Variants in NUP93 observed in about 807,000 individuals in gnomAD.
The protein encoded by NUP93 is nucleoporin 93.
NUP93 carries 55 observed loss-of-function variants against 107.8 expected under a neutral mutation model. The observed-to-expected ratio is 0.51, with a 90% CI of 0.41 to 0.64. The LOEUF (loss-of-function observed/expected upper bound fraction) is 0.64, where lower values mean the gene tolerates loss of function less well. NUP93 is among the 30% of genes least tolerant of loss of function. NUP93 has a pLI of 0.00. For missense variants in NUP93, 937 were observed against 1,044.7 expected (o/e 0.90, Z 1.42); for synonymous variants, 390 against 397.5 (o/e 0.98, Z 0.22).
chr16:56,738,989 A>G (rs1961657935), intron 1 of NUP93, among the ~76,000 whole-genome samples: 1 of 141,824 alleles, frequency 7.1e-6, no homozygotes, highest in South Asian at 2.2e-4. Context: ...TTTAATCCTG[A>G]GTGGACAACA....
chr16:56,828,100 C>T (rs1252414365), intron 8 of NUP93, among the ~76,000 whole-genome samples: 3 of 149,052 alleles, frequency 2.0e-5, no homozygotes, highest in African/African-American at 5.0e-5. Flanking sequence ...TCAGCCTGGG[C>T]GACTAGAGTG....
intron 1 of NUP93, among the ~76,000 whole-genome samples, chr16:56,738,002 A>C (rs1456532458): frequency 6.6e-6 from 1 of 152,248 alleles, no homozygotes; most frequent in African/African-American, 2.4e-5. Context: ...GCCCCTGTTT[A>C]TGCTAGTTGT....
At chr16:56,740,341 C>G (rs1426631877) in intron 1 of NUP93, among the ~76,000 whole-genome samples, 1 of 150,052 alleles carries the variant, frequency 6.7e-6, no homozygotes, top group Non-Finnish European at 1.5e-5. Flanking sequence ...TCCTCACCTC[C>G]CAGACGGGGT....
intron 7 of NUP93, among the ~76,000 whole-genome samples, chr16:56,822,601 C>A (rs2144612337): frequency 8.8e-6 from 1 of 113,956 alleles, no homozygotes; most frequent in African/African-American, 3.5e-5. Flanking sequence ...ACTGTTGTTG[C>A]CCAGGCTGAA....
At chr16:56,812,259 G>A (rs1322182843) in intron 5 of NUP93, among the ~76,000 whole-genome samples, 1 of 152,070 alleles carries the variant, frequency 6.6e-6, no homozygotes, top group African/African-American at 2.4e-5. Flanking sequence ...TCTGAAACAT[G>A]TTTTTCCCCC....
Position 56,799,070 on chromosome 16 carries a change from A to G in NUP93, c.360+532A>G, listed in dbSNP as rs1032433065. Among the ~76,000 whole-genome samples, 7 of 152,274 alleles carry G rather than the reference A, an allele frequency of 4.6e-5. No homozygotes were observed. The South Asian group carries it at 1.0e-3, about 23-fold the overall frequency. ...TGCATCTGAGACACTGGACTGGACA[A>G]TTAACTATTAAATTAATCTTGAAAT... is the stretch of plus-strand genomic sequence containing the variant. On this transcript the variant is annotated intron_variant, in intron 4 of 21. Transcript: ENST00000308159.
chr16:56,768,423 C>T (rs1260714229), intron 3 of NUP93, among the ~76,000 whole-genome samples: 14 of 151,864 alleles, frequency 9.2e-5, no homozygotes, highest in Admixed American at 8.5e-4. Flanking sequence ...ATTAGCTGGG[C>T]GTGGTGGCGC....
At chr16:56,842,915 T>G (rs1964055312) in intron 21 of NUP93, among the ~76,000 whole-genome samples, 1 of 152,142 alleles carries the variant, frequency 6.6e-6, no homozygotes, top group African/African-American at 2.4e-5. Context: ...TTGATGAGAC[T>G]CTCAGCATCT....
chr16:56,797,977 G>A (rs1596812069), intron 3 of NUP93, among the ~76,000 whole-genome samples: 1 of 152,292 alleles, frequency 6.6e-6, no homozygotes, highest in African/African-American at 2.4e-5. Context: ...GCAAAACGCT[G>A]GAAGAAATGT....
chr16:56,779,290 A>C (rs976966017), intron 3 of NUP93, among the ~76,000 whole-genome samples: 8 of 152,132 alleles, frequency 5.3e-5, no homozygotes, highest in African/African-American at 1.9e-4. Context: ...TGAACCACAA[A>C]AGTTCAATAG....
At chr16:56,823,160 G>C (rs1452189480) in intron 7 of NUP93, among the ~76,000 whole-genome samples, 3 of 152,176 alleles carry the variant, frequency 2.0e-5, no homozygotes, top group Non-Finnish European at 4.4e-5. Flanking sequence ...GTCTTTTGAA[G>C]GGAGTGAGTG....
intron 3 of NUP93, among the ~76,000 whole-genome samples, chr16:56,772,179 G>A (rs544704844): frequency 2.6e-5 from 4 of 152,246 alleles, no homozygotes; most frequent in Admixed American, 6.5e-5. Context: ...ATGCCTCAGC[G>A]GTATTGAGGG....
At chr16:56,757,593 C>T (rs1297875088) in intron 2 of NUP93, among the ~76,000 whole-genome samples, 1 of 152,166 alleles carries the variant, frequency 6.6e-6, no homozygotes, top group Non-Finnish European at 1.5e-5. Flanking sequence ...AAAAAACTAC[C>T]CTTGCATTGT....
chr16:56,742,617 A>G (rs1961757271), intron 1 of NUP93, among the ~76,000 whole-genome samples: 1 of 152,224 alleles, frequency 6.6e-6, no homozygotes, highest in African/African-American at 2.4e-5. Flanking sequence ...CTTTTACAGA[A>G]GAAGTTTGCT....
In NUP93 at chr16:56,829,040, G is replaced by C; in HGVS notation, c.858G>C (p.Val286=). 1.2e-6 allele frequency: 2 copies of C among 1,613,602 alleles called. No homozygotes were observed. The highest frequency in any genetic ancestry group is 1.7e-6 in the Non-Finnish European group (2 of 1,179,842). Residue 286 remains valine (V), a synonymous_variant, in exon 9 of 22, where the codon GTG becomes GTC. Coordinates refer to ENST00000308159, the MANE Select transcript of NUP93 (RefSeq NM_014669.5). ...GNLHQAQLGG[V]PGTYQLVRSF... ...TGCATCAGGCCCAGCTGGGCGGGGT[G>C]CCTGGGACTTACCAATTGGTTCGAA...
chr16:56,749,458 C>T (rs568999326), intron 2 of NUP93, among the ~76,000 whole-genome samples: 44 of 152,250 alleles, frequency 2.9e-4, no homozygotes, highest in African/African-American at 9.6e-4. Context: ...GATGGAAGGG[C>T]ATGGGAGGAT....
intron 20 of NUP93, among the ~76,000 whole-genome samples, chr16:56,841,449 C>T (rs1964023112): frequency 6.6e-6 from 1 of 152,228 alleles, no homozygotes; most frequent in Admixed American, 6.5e-5. Flanking sequence ...TGGCTCACTG[C>T]CCCTGACTAA....
intron 2 of NUP93, among the ~76,000 whole-genome samples, chr16:56,750,217 G>A (rs1449850739): frequency 6.6e-6 from 1 of 152,174 alleles, no homozygotes; most frequent in African/African-American, 2.4e-5. Flanking sequence ...GGAGGAGGAA[G>A]TTGGAATGTT....
rs1248969781 is a variant in NUP93, at chr16:56,821,631, C to T, written c.654+38C>T. 4.9e-6 allele frequency: 7 copies of T among 1,437,180 alleles called. No individual in the cohort carries two copies. In the Admixed American group the frequency reaches 8.5e-5, roughly 17 times the overall value. 89.0% of individuals were successfully genotyped at this position (1,437,180 alleles called of 1,614,324 possible). A position where few individuals can be genotyped will look rare whatever the true frequency, so the allele number is the denominator to read the frequency against. On this transcript the variant is annotated intron_variant, in intron 7 of 21. Transcript: ENST00000308159. ...GCTAACTCAAGTAGAAACCGGGGTCCAGTGTTCCGATGGGCCTAGCAACTT... is the reference window on the plus strand; with the variant it reads ...GCTAACTCAAGTAGAAACCGGGGTCTAGTGTTCCGATGGGCCTAGCAACTT...
Sources: allele counts gnomAD v4.1 joint callset (sites outside exome capture counted in the v4.1 genomes callset), GRCh38; gene constraint gnomAD v4.1.1; transcripts MANE v1.5; gene names NCBI Gene and HGNC (gene_info 2026-07-23, HGNC 2026-07-21).